The following NKD2 variants were observed in gnomAD, a reference collection of about 807,000 sequenced individuals.
The protein encoded by NKD2 is NKD inhibitor of Wnt signaling pathway 2, also known as protein naked cuticle homolog 2.
Under a neutral mutation model 34.8 loss-of-function variants are expected in NKD2, and 43 were observed. That is an observed-to-expected ratio of 1.24 (90% CI 0.97 to 1.60). The LOEUF (loss-of-function observed/expected upper bound fraction) is 1.60, where lower values mean the gene tolerates loss of function less well. Among genes scored for constraint, NKD2 ranks in the 40% most tolerant of loss-of-function variants. NKD2 has a pLI of 0.00. For synonymous variants in NKD2, 278 were observed against 265.1 expected (o/e 1.05, Z -0.47); for missense variants, 675 against 627.1 (o/e 1.08, Z -0.82).
intron 3 of NKD2, among the ~76,000 whole-genome samples, chr5:1,028,582 G>T (rs918578512): frequency 6.6e-6 from 1 of 152,118 alleles, no homozygotes; most frequent in East Asian, 1.9e-4. Flanking sequence ...GGCGGGAGGG[G>T]ACAACGGGCA....
intron 5 of NKD2, 85 bp downstream of exon 5, chr5:1,033,584 C>T: frequency 4.9e-6 from 7 of 1,415,566 alleles, no homozygotes; most frequent in Non-Finnish European, 6.6e-6. Flanking sequence ...CTAAACTGGG[C>T]ATCTGTGGAC....
chr5:1,029,154 T>TC (rs1756541496), intron 3 of NKD2, among the ~76,000 whole-genome samples: 4 of 152,228 alleles, frequency 2.6e-5, no homozygotes, highest in African/African-American at 4.8e-5. Context: ...CTGTAGATGC[T>TC]CATTTTTTCC....
chr5:1,038,320 C>A lies in NKD2; in HGVS notation c.1303C>A (p.His435Asn). ...VPVIQRHEHH[H>N]HHEHHHHHHH... is the part of the protein sequence containing the mutation. The stretch of plus-strand genomic sequence containing the variant: ...AGTGATCCAGCGGCACGAGCACCAC[C>A]ACCACCACGAGCACCACCACCACCA... The change falls in exon 10 of 10, where the codon CAC (histidine) becomes AAC (asparagine). Residue 435 changes from histidine (H) to asparagine (N), a missense_variant. Coordinates refer to ENST00000296849, the MANE Select transcript of NKD2 (RefSeq NM_033120.4). This position sits in a 1 kb window ranked among gnomAD's most constrained non-coding sequence, Gnocchi z 4.5. 1 of 1,533,856 alleles carries A rather than the reference C, an allele frequency of 6.5e-7. No homozygotes were observed. The highest frequency in any genetic ancestry group is 8.7e-7 in the Non-Finnish European group (1 of 1,145,214).
Position 1,009,852 on chromosome 5 carries a change from C to G in NKD2, c.141+292C>G, listed in dbSNP as rs1755681578. 6.6e-6 allele frequency among the ~76,000 whole-genome samples: 1 copy of G among 151,830 alleles called. No individual in the cohort carries two copies. Among genetic ancestry groups the G allele is most frequent in the African/African-American group, 2.4e-5 (1 of 41,288 alleles). ...GGCTCCATGTTTCGGGCTGGAGGAGCTGGGCGAGTGGGAGGGGCTGGACCT... is the reference window on the plus strand; with the variant it reads ...GGCTCCATGTTTCGGGCTGGAGGAGGTGGGCGAGTGGGAGGGGCTGGACCT... On this transcript the variant is annotated intron_variant, in intron 3 of 9. Coordinates refer to ENST00000296849, the MANE Select transcript of NKD2 (RefSeq NM_033120.4). The surrounding 1 kb of genome is among the most constrained non-coding windows in gnomAD (Gnocchi z 6.9).
intron 3 of NKD2, among the ~76,000 whole-genome samples, chr5:1,028,609 C>T (rs1054440634): frequency 1.3e-5 from 2 of 152,126 alleles, no homozygotes; most frequent in Non-Finnish European, 2.9e-5. Flanking sequence ...GGTCTGCAGG[C>T]CAGCCGTGGG....
chr5:1,031,358 G>T (rs1011965583), intron 3 of NKD2, among the ~76,000 whole-genome samples: 1 of 152,172 alleles, frequency 6.6e-6, no homozygotes. Context: ...GGCCGTCCAG[G>T]TGGACGGGAC....
chr5:1,011,836 C>T (rs1478929280), intron 3 of NKD2, among the ~76,000 whole-genome samples: 1 of 152,266 alleles, frequency 6.6e-6, no homozygotes, highest in Non-Finnish European at 1.5e-5. Context: ...GCACCCCCGA[C>T]GTGGCTCTCC....
intron 3 of NKD2, among the ~76,000 whole-genome samples, chr5:1,028,413 CA>C (rs1426801690): frequency 6.6e-6 from 1 of 152,164 alleles, no homozygotes; most frequent in African/African-American, 2.4e-5. Flanking sequence ...ACCCTCCTCC[CA>C]AATCTGAGGT....
intron 3 of NKD2, among the ~76,000 whole-genome samples, chr5:1,026,879 G>A (rs1252333212): frequency 6.6e-6 from 1 of 152,248 alleles, no homozygotes; most frequent in Non-Finnish European, 1.5e-5. Context: ...CCTAAGCTTG[G>A]CAGGCGCCTA....
At chr5:1,015,401 G>A (rs1281074369) in intron 3 of NKD2, among the ~76,000 whole-genome samples, 2 of 152,202 alleles carry the variant, frequency 1.3e-5, no homozygotes, top group Non-Finnish European at 2.9e-5. Context: ...TTACGGAAGC[G>A]GTAGTTCTTG....
At chr5:1,032,076 C>A in intron 3 of NKD2, 76 bp from the exon 4 acceptor site, 1 of 1,206,202 alleles carries the variant, frequency 8.3e-7, no homozygotes, top group East Asian at 2.4e-5. Flanking sequence ...CCAGTCCAGC[C>A]GCCCAGAGCT....
rs1399446784 is a variant in NKD2 at position 1,032,198 on chromosome 5, A to G, written c.188A>G (p.Gln63Arg). 6.2e-7 allele frequency: 1 copy of G among 1,610,036 alleles called. No homozygotes were observed. Among genetic ancestry groups the G allele is most frequent in the Non-Finnish European group, 8.5e-7 (1 of 1,178,582 alleles). The stretch of plus-strand genomic sequence containing the variant: ...AAGGAGGGGCCTTTCCGGGAGGACC[A>G]GTGTCCCCTACAGGGTGAGTGCAGC... The part of the protein sequence containing the change: ...DPKEGPFRED[Q>R]CPLQVALPAE... Residue 63 changes from glutamine to arginine, a missense_variant, in exon 4 of 10, where the codon CAG becomes CGG. By Grantham distance (43) the Gln-to-Arg change is conservative. Coordinates refer to ENST00000296849, the MANE Select transcript of NKD2 (RefSeq NM_033120.4).
At chr5:1,028,200 CCTCA>C (rs1381091820) in intron 3 of NKD2, among the ~76,000 whole-genome samples, 1 of 152,104 alleles carries the variant, frequency 6.6e-6, no homozygotes, top group Non-Finnish European at 1.5e-5. Context: ...GATCAGATGT[CCTCA>C]CTGTCGTGGC....
chr5:1,025,760 A>C (rs1160776477), intron 3 of NKD2, among the ~76,000 whole-genome samples: 1 of 54,324 alleles, frequency 1.8e-5, no homozygotes, highest in African/African-American at 8.5e-5. Context: ...GTCTCAGCCC[A>C]TTGTCCCTGC....
intron 3 of NKD2, among the ~76,000 whole-genome samples, chr5:1,024,940 A>G (rs371536131): frequency 0.011 from 13 of 1,178 alleles, no homozygotes; most frequent in African/African-American, 0.012. Context: ...GTCTCAGCCC[A>G]TTGTCCCTGC....
At chr5:1,033,552 T>C in intron 5 of NKD2, 53 bp downstream of exon 5, 1 of 1,512,952 alleles carries the variant, frequency 6.6e-7, no homozygotes, top group Non-Finnish European at 8.9e-7. Flanking sequence ...GGCCGGGGGC[T>C]CAGGGACAGG....
At chr5:1,021,303 C>T (rs867470697) in intron 3 of NKD2, among the ~76,000 whole-genome samples, 212 of 140,014 alleles carry the variant, frequency 1.5e-3, no homozygotes, top group African/African-American at 4.7e-3. Context: ...CTCCCCTGCC[C>T]GGTCCCCCCG....
intron 5 of NKD2, 71 bp from the exon 6 acceptor site, chr5:1,034,164 C>A: frequency 8.9e-7 from 1 of 1,120,960 alleles, no homozygotes; most frequent in Non-Finnish European, 1.3e-6. Context: ...CCAGAAGATC[C>A]TTCCCCCTGT....
chr5:1,031,866 A>C (rs959363438), intron 3 of NKD2, among the ~76,000 whole-genome samples: 1 of 152,066 alleles, frequency 6.6e-6, no homozygotes, highest in East Asian at 1.9e-4. Context: ...GGCCAAGGGG[A>C]TCCCCAGGGC....
Sources: gnomAD v4.1 joint callset for allele counts (sites outside exome capture counted in the v4.1 genomes callset) on GRCh38, gnomAD v4.1.1 for gene constraint, Gnocchi (gnomAD v3.1) non-coding constraint, MANE v1.5 for transcripts, NCBI Gene and HGNC (gene_info 2026-07-23, HGNC 2026-07-21) for gene names.